Variants in SH3KBP1 observed in about 807,000 individuals in gnomAD.
SH3KBP1 encodes the protein SH3 domain-containing kinase-binding protein 1.
SH3KBP1 carries 8 observed loss-of-function variants against 50.1 expected under a neutral mutation model. That is an observed-to-expected ratio of 0.16 (90% confidence interval 0.09 to 0.29). The LOEUF is 0.29. Ranked by LOEUF, SH3KBP1 falls within the 10% of genes least tolerant of loss-of-function variation. The pLI, the probability that SH3KBP1 is intolerant of heterozygous loss-of-function variation, is 1.00. For missense variants in SH3KBP1, 377 were observed against 535.2 expected (o/e 0.70, Z 2.92); for synonymous variants, 227 against 218.6 (o/e 1.04, Z -0.34).
intron 6 of SH3KBP1, among the ~76,000 whole-genome samples, chrX:19,657,515 G>T (rs1229591769): frequency 9.1e-6 from 1 of 110,356 alleles, no homozygotes; most frequent in Non-Finnish European, 1.9e-5. Flanking sequence ...GGATCATGAG[G>T]TCAAGAGATC....
At chrX:19,817,667 C>T (rs897463000) in intron 2 of SH3KBP1, among the ~76,000 whole-genome samples, 1 of 111,535 alleles carries the variant, frequency 9.0e-6, no homozygotes, top group African/African-American at 3.3e-5. Context: ...GACAGTATTG[C>T]TCTGTTGCCC....
intron 1 of SH3KBP1, among the ~76,000 whole-genome samples, chrX:19,853,760 C>T (rs935176062): frequency 3.6e-5 from 4 of 110,758 alleles, no homozygotes; most frequent in African/African-American, 9.9e-5. Context: ...GTCAGGAGTT[C>T]GAGACCAGCC....
chrX:19,839,322 TA>T (rs760512231), intron 1 of SH3KBP1, among the ~76,000 whole-genome samples: 1,135 of 94,933 alleles, frequency 0.012, 16 homozygotes, highest in African/African-American at 0.04. Flanking sequence ...AAGAAGATAC[TA>T]AAAAAAAAAA....
intron 2 of SH3KBP1, among the ~76,000 whole-genome samples, chrX:19,784,420 G>A (rs1324733450): frequency 9.0e-6 from 1 of 110,981 alleles, no homozygotes; most frequent in Non-Finnish European, 1.9e-5. Flanking sequence ...GCACAAAGAG[G>A]AAGTCCCAAA....
At chrX:19,608,229 G>A (rs989914258) in intron 8 of SH3KBP1, among the ~76,000 whole-genome samples, 184 bp from the exon 9 acceptor site, 8 of 110,924 alleles carry the variant, frequency 7.2e-5, no homozygotes, top group Non-Finnish European at 1.5e-4. Flanking sequence ...GCTTAACAAT[G>A]TCGGCTGGTA....
intron 3 of SH3KBP1, among the ~76,000 whole-genome samples, chrX:19,718,139 TACACACACACACACAC>T (rs35514461): frequency 9.9e-4 from 90 of 91,095 alleles, no homozygotes; most frequent in African/African-American, 3.6e-3. Flanking sequence ...ATTTTATAAA[TACACACACACACACAC>T]ACACACACAC....
chrX:19,697,254 T>C (rs1446988839), intron 4 of SH3KBP1, among the ~76,000 whole-genome samples: 2 of 111,699 alleles, frequency 1.8e-5, no homozygotes, highest in African/African-American at 6.5e-5. Context: ...GTATTACCAA[T>C]CCAAATTAAT....
At chrX:19,558,531 A>G (rs1329702389) in intron 13 of SH3KBP1, among the ~76,000 whole-genome samples, 2 of 112,142 alleles carry the variant, frequency 1.8e-5, no homozygotes, top group Admixed American at 9.5e-5. Context: ...TTAAAATATC[A>G]TAAGATTTTA....
At chrX:19,572,502 CATAT>C (rs932019584) in intron 12 of SH3KBP1, among the ~76,000 whole-genome samples, 1 of 105,807 alleles carries the variant, frequency 9.5e-6, no homozygotes, top group Non-Finnish European at 1.9e-5. Context: ...ATATATAGTA[CATAT>C]ATATGTCACA....
intron 1 of SH3KBP1, among the ~76,000 whole-genome samples, chrX:19,865,631 A>G (rs2068885428): frequency 8.9e-6 from 1 of 112,311 alleles, no homozygotes; most frequent in African/African-American, 3.2e-5. Flanking sequence ...ACGATTTCCA[A>G]TGCCAGAACA....
intron 4 of SH3KBP1, 82 bp downstream of exon 4, chrX:19,706,799 A>G: frequency 1.4e-6 from 1 of 729,688 alleles, no homozygotes; most frequent in Non-Finnish European, 2.1e-6. Flanking sequence ...GTGAGTCTGT[A>G]GCAAGGCGTC....
intron 8 of SH3KBP1, among the ~76,000 whole-genome samples, chrX:19,621,241 A>ATTTTTTTTTT (rs35328957): frequency 1.5e-5 from 1 of 64,583 alleles, no homozygotes; most frequent in Non-Finnish European, 2.9e-5. Flanking sequence ...CACCTGGCTA[A>ATTTTTTTTTT]TTTTTTTTTT....
At chrX:19,770,427 T>C (rs567881546) in intron 2 of SH3KBP1, among the ~76,000 whole-genome samples, 2 of 112,571 alleles carry the variant, frequency 1.8e-5, no homozygotes, top group African/African-American at 3.2e-5. Context: ...CATATTTTCT[T>C]TATCCAATCT....
Position 19,813,593 on chromosome X carries a change from G to A in SH3KBP1, c.162+22532C>T, listed in dbSNP as rs2067272262. Among the ~76,000 whole-genome samples, 3 of 111,607 alleles carry A rather than the reference G, an allele frequency of 2.7e-5. No individual in the cohort carries two copies. The Admixed American group carries it at 2.8e-4, about 11-fold the overall frequency. Reference sequence around the variant, plus strand: ...GGTCTCCAGAACTCGTCTTGTAATTGCAAGTTTGTGCCCTTTGGCTAGCAT... The same window carrying A: ...GGTCTCCAGAACTCGTCTTGTAATTACAAGTTTGTGCCCTTTGGCTAGCAT... On this transcript the variant is annotated intron_variant, in intron 2 of 17. Transcript: ENST00000397821.
intron 2 of SH3KBP1, among the ~76,000 whole-genome samples, chrX:19,782,770 G>A (rs950945212): frequency 3.6e-5 from 4 of 111,362 alleles, no homozygotes; most frequent in African/African-American, 9.8e-5. Context: ...TACAACCTGC[G>A]GCTCACTAGC....
In SH3KBP1 at chrX:19,614,372, A is replaced by C. The variant is rs2067536416; in HGVS notation, c.898-6327T>G. 2.7e-5 allele frequency among the ~76,000 whole-genome samples: 3 copies of C among 112,707 alleles called. No homozygotes were observed. The South Asian group carries it at 1.1e-3, about 41-fold the overall frequency. On this transcript the variant is annotated intron_variant, in intron 8 of 17. Transcript: ENST00000397821. ...TAGTCTAGGCACTTCAAATCTGTAGAAAAGACAAACTTGCCACCTAGCTTG... is the reference window on the plus strand; with the variant it reads ...TAGTCTAGGCACTTCAAATCTGTAGCAAAGACAAACTTGCCACCTAGCTTG...
intron 1 of SH3KBP1, among the ~76,000 whole-genome samples, chrX:19,874,927 G>T (rs917451485): frequency 2.9e-5 from 3 of 102,278 alleles, no homozygotes; most frequent in Non-Finnish European, 6.0e-5. Flanking sequence ...AGGGTGAGGG[G>T]ATGAAGAAAG....
At chrX:19,579,582 C>T (rs1030053453) in intron 12 of SH3KBP1, among the ~76,000 whole-genome samples, 1 of 112,133 alleles carries the variant, frequency 8.9e-6, no homozygotes, top group African/African-American at 3.2e-5. Context: ...CTGATTCTGG[C>T]CATCAGTGGC....
Position 19,817,798 on chromosome X carries a change from C to T in SH3KBP1, c.162+18327G>A, listed in dbSNP as rs186529215. On this transcript the variant is annotated intron_variant, in intron 2 of 17. Coordinates refer to ENST00000397821, the MANE Select transcript of SH3KBP1 (RefSeq NM_031892.3). ...TACAGGCACAGGCAACCATGCCCAG[C>T]TCATTTTTGTATTTTTAGTAGAGAC... Among the ~76,000 whole-genome samples the T allele has an allele frequency of 5.8e-3, 646 of 111,138 alleles. 5 individuals carry two copies. The highest frequency in any genetic ancestry group is 0.019 in the African/African-American group (588 of 30,573).
Sources: allele counts gnomAD v4.1 joint callset (sites outside exome capture counted in the v4.1 genomes callset), GRCh38; gene constraint gnomAD v4.1.1; transcripts MANE v1.5; gene names NCBI Gene and HGNC (gene_info 2026-07-23, HGNC 2026-07-21).